Variants in NAALADL2 observed in about 807,000 individuals in gnomAD.
NAALADL2 encodes N-acetylated alpha-linked acidic dipeptidase like 2, also known as inactive N-acetylated-alpha-linked acidic dipeptidase-like protein 2.
NAALADL2 carries 76 observed loss-of-function variants against 87.2 expected under a neutral mutation model. That is an observed-to-expected ratio of 0.87 (90% CI 0.72 to 1.05). The LOEUF is 1.05. NAALADL2 is among the 50% of genes least tolerant of loss of function. The probability of loss-of-function intolerance (pLI) is 0.00; values close to 1 mark genes in which losing one functional copy is unlikely to be tolerated. For missense variants in NAALADL2, 1,089 were observed against 945.8 expected (o/e 1.15, Z -1.99); for synonymous variants, 354 against 331.0 (o/e 1.07, Z -0.75).
intron 9 of NAALADL2, among the ~76,000 whole-genome samples, chr3:175,534,942 A>G (rs1414212573): frequency 6.6e-6 from 1 of 151,332 alleles, no homozygotes; most frequent in Admixed American, 6.6e-5. Context: ...GGCTTCGTCC[A>G]TACAACGAGA....
intron 9 of NAALADL2, among the ~76,000 whole-genome samples, chr3:175,543,563 CCTT>C (rs1213347287): frequency 2.0e-5 from 3 of 152,066 alleles, no homozygotes; most frequent in Non-Finnish European, 4.4e-5. Context: ...GCAAACATGT[CCTT>C]CTTCACGTGG....
intron 1 of NAALADL2, among the ~76,000 whole-genome samples, chr3:174,888,401 A>G (rs897585254): frequency 2.0e-5 from 3 of 152,214 alleles, no homozygotes; most frequent in African/African-American, 7.2e-5. Context: ...TACTACTGTA[A>G]AAATAGGTTA....
chr3:175,784,451 A>G (rs1260472480), intron 13 of NAALADL2, among the ~76,000 whole-genome samples: 7 of 141,648 alleles, frequency 4.9e-5, no homozygotes, highest in African/African-American at 2.0e-4. Context: ...TGTGTCGAGG[A>G]ATTTATCCAT....
chr3:175,277,428 A>G (rs948999483), intron 4 of NAALADL2, among the ~76,000 whole-genome samples: 6 of 152,144 alleles, frequency 3.9e-5, no homozygotes, highest in Non-Finnish European at 5.9e-5. Context: ...TGAAAGCTGT[A>G]AGGTAATGGT....
At chr3:175,715,657 C>T (rs531972851) in intron 11 of NAALADL2, among the ~76,000 whole-genome samples, 2 of 152,110 alleles carry the variant, frequency 1.3e-5, no homozygotes, top group Non-Finnish European at 2.9e-5. Context: ...GAGAAGACTA[C>T]CCGAGGTGAG....
intron 2 of NAALADL2, among the ~76,000 whole-genome samples, chr3:174,588,756 A>T (rs1717016339): frequency 6.6e-6 from 1 of 152,130 alleles, no homozygotes; most frequent in Non-Finnish European, 1.5e-5. Context: ...TCAGAGGGGC[A>T]CCTGGCCATA....
intron 1 of NAALADL2, among the ~76,000 whole-genome samples, chr3:175,075,487 C>T (rs931997181): frequency 3.3e-5 from 5 of 152,134 alleles, no homozygotes; most frequent in Admixed American, 2.0e-4. Flanking sequence ...TGCAGTGTCA[C>T]CCTCTGTGCT....
chr3:174,910,591 A>G (rs1733566963), intron 1 of NAALADL2, among the ~76,000 whole-genome samples: 1 of 152,046 alleles, frequency 6.6e-6, no homozygotes, highest in Admixed American at 6.6e-5. Flanking sequence ...TTACATATGC[A>G]GGTAGGAGTT....
intron 9 of NAALADL2, among the ~76,000 whole-genome samples, chr3:175,523,890 T>C (rs113670234): frequency 0.011 from 1,699 of 152,334 alleles, 15 homozygotes; most frequent in South Asian, 0.019. Context: ...AGAATTGACA[T>C]ACTGACATAT....
chr3:175,437,578 T>A (rs1202602744), intron 5 of NAALADL2, among the ~76,000 whole-genome samples: 5 of 148,368 alleles, frequency 3.4e-5, no homozygotes, highest in Non-Finnish European at 7.4e-5. Flanking sequence ...AATGACTTTC[T>A]TCACAGAATT....
At chr3:175,492,784 A>G (rs1728286814) in intron 9 of NAALADL2, among the ~76,000 whole-genome samples, 1 of 152,154 alleles carries the variant, frequency 6.6e-6, no homozygotes, top group African/African-American at 2.4e-5. Flanking sequence ...CACTAATTTT[A>G]AATAACACCT....
chr3:175,497,379 A>AT (rs1329715323), intron 9 of NAALADL2, among the ~76,000 whole-genome samples: 1 of 152,226 alleles, frequency 6.6e-6, no homozygotes, highest in African/African-American at 2.4e-5. Flanking sequence ...AAGTTCAGAC[A>AT]TTTGCAGAAT....
intron 1 of NAALADL2, among the ~76,000 whole-genome samples, chr3:174,957,880 G>A (rs1741382678): frequency 6.6e-6 from 1 of 151,900 alleles, no homozygotes; most frequent in South Asian, 2.1e-4. Flanking sequence ...TTCCATTTTT[G>A]TCTAATTAAT....
At chr3:175,315,163 A>C (rs977548894) in intron 4 of NAALADL2, among the ~76,000 whole-genome samples, 1 of 152,156 alleles carries the variant, frequency 6.6e-6, no homozygotes, top group Non-Finnish European at 1.5e-5. Context: ...AAAACTGAAA[A>C]GTGTCGCAGC....
At chr3:174,708,036 C>G (rs1052489744) in intron 2 of NAALADL2, among the ~76,000 whole-genome samples, 45 of 152,122 alleles carry the variant, frequency 3.0e-4, no homozygotes, top group Admixed American at 6.6e-4. Context: ...AAAAAAATCT[C>G]TAGCTTAACA....
intron 4 of NAALADL2, among the ~76,000 whole-genome samples, chr3:175,286,708 C>A (rs1755019061): frequency 6.6e-6 from 1 of 151,952 alleles, no homozygotes; most frequent in African/African-American, 2.4e-5. Context: ...TAATGCCAGT[C>A]TTCTTATTTC....
chr3:174,965,110 G>A (rs1210600291), intron 1 of NAALADL2, among the ~76,000 whole-genome samples: 1 of 152,060 alleles, frequency 6.6e-6, no homozygotes, highest in African/African-American at 2.4e-5. Flanking sequence ...TAGGACAGTG[G>A]GTGGGGCTGC....
At chr3:174,549,545 T>C (rs1251308553) in intron 1 of NAALADL2, among the ~76,000 whole-genome samples, 2 of 152,236 alleles carry the variant, frequency 1.3e-5, no homozygotes, top group Non-Finnish European at 2.9e-5. Flanking sequence ...TAACTTACTA[T>C]GTCAGATACT....
At chr3:174,904,036 T>C (rs1477624612) in intron 1 of NAALADL2, among the ~76,000 whole-genome samples, 1 of 151,674 alleles carries the variant, frequency 6.6e-6, no homozygotes, top group Non-Finnish European at 1.5e-5. Flanking sequence ...TTTCTAGATA[T>C]ATATCTATAT....
Sources: gnomAD v4.1 joint callset for allele counts (sites outside exome capture counted in the v4.1 genomes callset) on GRCh38, gnomAD v4.1.1 for gene constraint, MANE v1.5 for transcripts, NCBI Gene and HGNC (gene_info 2026-07-23, HGNC 2026-07-21) for gene names.